Variants in DPYSL2 observed in about 807,000 individuals in gnomAD.
DPYSL2 encodes dihydropyrimidinase-related protein 2.
Under a neutral mutation model 69.9 loss-of-function variants are expected in DPYSL2, and 13 were observed. That is an observed-to-expected ratio of 0.19 (90% confidence interval 0.12 to 0.30). DPYSL2 has a LOEUF of 0.30. Among genes scored for constraint, DPYSL2 ranks in the 10% least tolerant of loss-of-function variants. DPYSL2 has a pLI of 1.00. For synonymous variants in DPYSL2, 326 were observed against 359.1 expected (o/e 0.91, Z 1.04); for missense variants, 587 against 918.9 (o/e 0.64, Z 4.67).
rs1344311144 is a variant in DPYSL2 at position 26,644,658 on chromosome 8, T to C, written c.1425+567T>C. ...AATGGAACAGTAAAGACTGAAAACC[T>C]ACACAGCTTTAGATGTGACTCTGGG... On this transcript the variant is annotated intron_variant, in intron 10 of 13. Transcript: ENST00000521913. This position sits in a 1 kb window ranked among gnomAD's most constrained non-coding sequence, Gnocchi z 4.5. Among the ~76,000 whole-genome samples, 2 of 152,136 alleles carry C rather than the reference T, an allele frequency of 1.3e-5. No individual in the cohort carries two copies. Among genetic ancestry groups the C allele is most frequent in the African/African-American group, 4.8e-5 (2 of 41,422 alleles).
intron 1 of DPYSL2, among the ~76,000 whole-genome samples, chr8:26,538,230 G>A (rs757102493): frequency 8.5e-5 from 13 of 152,146 alleles, no homozygotes; most frequent in Non-Finnish European, 1.5e-4. Context: ...CAAGATGGTG[G>A]ACTAGGAGGC....
At chr8:26,594,909 TG>T (rs1801823497) in intron 3 of DPYSL2, among the ~76,000 whole-genome samples, 1 of 152,158 alleles carries the variant, frequency 6.6e-6, no homozygotes, top group Non-Finnish European at 1.5e-5. Context: ...TGGCTGGGCA[TG>T]GTGACTTATG....
Position 26,654,324 on chromosome 8 carries a change from T to G in DPYSL2, c.1942+927T>G, listed in dbSNP as rs1803338365. The stretch of plus-strand genomic sequence containing the variant: ...TAAGTTTCCTTGCTTGAAACTTCTT[T>G]CCCATCTTTCATTTGTCCCATGACT... On this transcript the variant is annotated intron_variant, in intron 13 of 13. Transcript: ENST00000521913. This position sits in a 1 kb window ranked among gnomAD's most constrained non-coding sequence, Gnocchi z 5.0. 6.6e-6 allele frequency among the ~76,000 whole-genome samples: 1 copy of G among 152,146 alleles called. No individual in the cohort carries two copies. The highest frequency in any genetic ancestry group is 1.5e-5 in the Non-Finnish European group (1 of 68,032).
intron 7 of DPYSL2, among the ~76,000 whole-genome samples, chr8:26,632,517 G>T (rs1802801716): frequency 6.6e-6 from 1 of 152,174 alleles, no homozygotes; most frequent in Non-Finnish European, 1.5e-5. Flanking sequence ...CCCTGGACAG[G>T]TCATTTCCCT....
chr8:26,563,109 C>A (rs747858309), intron 1 of DPYSL2, among the ~76,000 whole-genome samples: 9 of 152,074 alleles, frequency 5.9e-5, no homozygotes, highest in Non-Finnish European at 1.0e-4. Context: ...GAAGCCCACC[C>A]GAATTCAAAG....
chr8:26,596,276 C>T (rs1801859596), intron 3 of DPYSL2, among the ~76,000 whole-genome samples: 1 of 152,204 alleles, frequency 6.6e-6, no homozygotes, highest in Non-Finnish European at 1.5e-5. Flanking sequence ...GGGGCTTCAG[C>T]CCTCTTTGTA....
At position 26,588,017 on chromosome 8, in the gene DPYSL2, C is replaced by T. The variant is rs189228066; in HGVS notation, c.628+4034C>T. 1.3e-5 allele frequency among the ~76,000 whole-genome samples: 2 copies of T among 152,338 alleles called. No homozygotes were observed. The highest frequency in any genetic ancestry group is 1.9e-4 in the East Asian group (1 of 5,180). On this transcript the variant is annotated intron_variant, in intron 3 of 13. Transcript: ENST00000521913. The surrounding 1 kb of genome is among the most constrained non-coding windows in gnomAD (Gnocchi z 5.4). ...ACCGCTTGCCCTGGGGCCACCTTTG[C>T]TCTCAGCCTCAGTGGCCTCATCTGC... is the stretch of plus-strand genomic sequence containing the variant.
chr8:26,543,707 G>A lies in DPYSL2; in HGVS notation c.354+29028G>A, dbSNP rs548956745. Among the ~76,000 whole-genome samples, 161 of 152,242 alleles carry A rather than the reference G, an allele frequency of 1.1e-3. 1 individual carries two copies. The highest frequency in any genetic ancestry group is 3.6e-3 in the African/African-American group (149 of 41,554). ...TCACCATGTTGGTCAGGCTTGTCTC[G>A]AACTACCGACTTCAGGTGATCTGCC... On this transcript the variant is annotated intron_variant, in intron 1 of 13. Coordinates refer to ENST00000521913, the MANE Select transcript of DPYSL2 (RefSeq NM_001197293.3).
chr8:26,618,209 T>C (rs574210080), intron 3 of DPYSL2, among the ~76,000 whole-genome samples: 1 of 152,302 alleles, frequency 6.6e-6, no homozygotes, highest in East Asian at 1.9e-4. Flanking sequence ...GTCACTCATC[T>C]TGAGGGAAGG....
chr8:26,633,513 T>G (rs12545134), intron 7 of DPYSL2, among the ~76,000 whole-genome samples: 96,447 of 151,666 alleles, frequency 0.64, 32,748 homozygotes, highest in Non-Finnish European at 0.76. Context: ...TGTCACCCAG[T>G]CTGGAGTGCA....
intron 3 of DPYSL2, among the ~76,000 whole-genome samples, chr8:26,622,955 A>C (rs1802531759): frequency 6.6e-6 from 1 of 152,184 alleles, no homozygotes; most frequent in South Asian, 2.1e-4. Context: ...TCATTGCTTT[A>C]AGTGTTCAGT....
intron 8 of DPYSL2, among the ~76,000 whole-genome samples, chr8:26,635,349 T>TA (rs1712469567): frequency 6.6e-6 from 1 of 152,198 alleles, no homozygotes; most frequent in East Asian, 1.9e-4. Context: ...CCCCAGACAC[T>TA]ATCACATCCA....
rs977387784 is a variant in DPYSL2 at position 26,593,033 on chromosome 8, C to T, written c.628+9050C>T. 7.2e-5 allele frequency among the ~76,000 whole-genome samples: 11 copies of T among 152,142 alleles called. No homozygotes were observed. The highest frequency in any genetic ancestry group is 1.5e-4 in the Non-Finnish European group (10 of 68,030). On this transcript the variant is annotated intron_variant, in intron 3 of 13. Transcript: ENST00000521913. The surrounding 1 kb of genome is among the most constrained non-coding windows in gnomAD (Gnocchi z 5.7). ...TTGCTTAAATTCCTTGCTTTTAGAGCGTCTTAACTGCCATGGTAATGATAA... is the reference window on the plus strand; with the variant it reads ...TTGCTTAAATTCCTTGCTTTTAGAGTGTCTTAACTGCCATGGTAATGATAA...
intron 7 of DPYSL2, among the ~76,000 whole-genome samples, chr8:26,628,503 G>A (rs1013261963): frequency 6.6e-6 from 1 of 152,226 alleles, no homozygotes; most frequent in Admixed American, 6.5e-5. Flanking sequence ...GTGTGAGTTC[G>A]AAGGGAGGGT....
At position 26,648,815 on chromosome 8, in the gene DPYSL2, A is replaced by T. The variant is rs539229516; in HGVS notation, c.1596+1015A>T. The stretch of plus-strand genomic sequence containing the variant: ...CACACACAGAGGTGTTTGGGCTGCA[A>T]TGGGCTCAGGCTCAGCTCTGGCTTC... On this transcript the variant is annotated intron_variant, in intron 11 of 13. Transcript: ENST00000521913. The surrounding 1 kb of genome is among the most constrained non-coding windows in gnomAD (Gnocchi z 4.3). Among the ~76,000 whole-genome samples, 2 of 152,202 alleles carry T rather than the reference A, an allele frequency of 1.3e-5. No individual in the cohort carries two copies. The highest frequency in any genetic ancestry group is 6.5e-5 in the Admixed American group (1 of 15,284).
intron 7 of DPYSL2, among the ~76,000 whole-genome samples, chr8:26,628,663 G>A (rs1406444003): frequency 6.6e-6 from 1 of 152,242 alleles, no homozygotes; most frequent in African/African-American, 2.4e-5. Context: ...CGAGTGAAGC[G>A]TGCAATCAGG....
chr8:26,622,688 A>G (rs1156778057), intron 3 of DPYSL2, among the ~76,000 whole-genome samples: 2 of 152,010 alleles, frequency 1.3e-5, no homozygotes, highest in African/African-American at 4.8e-5. Context: ...TTTTTAGTAG[A>G]TACAGGGTTT....
At chr8:26,589,846 A>G (rs1801684730) in intron 3 of DPYSL2, among the ~76,000 whole-genome samples, 1 of 152,202 alleles carries the variant, frequency 6.6e-6, no homozygotes, top group Non-Finnish European at 1.5e-5. Flanking sequence ...GAGAAATCAC[A>G]TGGTCCCAGC....
At chr8:26,526,511 G>A (rs949624846) in intron 1 of DPYSL2, among the ~76,000 whole-genome samples, 9 of 152,048 alleles carry the variant, frequency 5.9e-5, no homozygotes, top group South Asian at 4.2e-4. Flanking sequence ...AGTCTTGTGC[G>A]TTTTTTGCCA....
Sources: allele counts gnomAD v4.1 joint callset (sites outside exome capture counted in the v4.1 genomes callset), GRCh38; gene constraint gnomAD v4.1.1; non-coding constraint Gnocchi (gnomAD v3.1); transcripts MANE v1.5; gene names NCBI Gene and HGNC (gene_info 2026-07-23, HGNC 2026-07-21).